Variants in ZFHX3 observed in about 807,000 individuals in gnomAD.
ZFHX3 encodes the protein zinc finger homeobox 3, also known as zinc finger homeobox protein 3.
In ZFHX3, 42 loss-of-function variants were observed where a neutral mutation model predicts 279.1. That is an observed-to-expected ratio of 0.15 (90% CI 0.12 to 0.19). ZFHX3 has a LOEUF of 0.19. Among genes scored for constraint, ZFHX3 ranks in the 10% least tolerant of loss-of-function variants. The probability of loss-of-function intolerance (pLI) is 1.00; values close to 1 mark genes in which losing one functional copy is unlikely to be tolerated. For missense variants in ZFHX3, 4,981 were observed against 4,754.0 expected, an observed-to-expected ratio of 1.05 and a Z score of -1.40; for synonymous variants, 2,293 against 1,957.8, an observed-to-expected ratio of 1.17 and a Z score of -4.52.
chr16:72,925,201 T>G (rs771792709), intron 3 of ZFHX3, among the ~76,000 whole-genome samples: 1 of 152,100 alleles, frequency 6.6e-6, no homozygotes, highest in South Asian at 2.1e-4. Context: ...GCTATCGAAA[T>G]CGGTCGTGAG....
chr16:72,846,269 A>G (rs2037477012), intron 4 of ZFHX3, among the ~76,000 whole-genome samples: 1 of 152,232 alleles, frequency 6.6e-6, no homozygotes. Context: ...GCATTTGCAC[A>G]CAGACCTGGA....
intron 1 of ZFHX3, among the ~76,000 whole-genome samples, chr16:72,994,661 G>A (rs1021454087): frequency 7.9e-5 from 12 of 152,244 alleles, no homozygotes; most frequent in African/African-American, 2.9e-4. Flanking sequence ...GCCAATGACA[G>A]CTTCTTGATG....
chr16:73,858,103 A>G (rs1431191763), intron 1 of ZFHX3, among the ~76,000 whole-genome samples: 12 of 152,008 alleles, frequency 7.9e-5, no homozygotes, highest in Admixed American at 2.6e-4. Flanking sequence ...CTCAAAAAAA[A>G]AAAAAGAAGA....
In ZFHX3 at chr16:73,580,508, C is replaced by CAAACA. The variant is rs1555525965; in HGVS notation, c.-1547+99671_-1547+99672insTGTTT. Reference sequence around the variant, plus strand: ...ACAAAAACAAAAACAAACAAACAAACAAAAAAAAAAAAACAGAGAAATTTC... The same window carrying CAAACA: ...ACAAAAACAAAAACAAACAAACAAACAAACAAAAAAAAAAAAAACAGAGAAATTTC... On this transcript the variant is annotated intron_variant, in intron 2 of 17. Transcript: ENST00000641206. 1.8e-3 allele frequency among the ~76,000 whole-genome samples: 257 copies of CAAACA among 140,096 alleles called. 2 individuals carry two copies. The highest frequency in any genetic ancestry group is 5.9e-3 in the East Asian group (28 of 4,724). 91.9% of individuals were successfully genotyped at this position (140,096 alleles called of 152,430 possible). A position where few individuals can be genotyped will look rare whatever the true frequency, so the allele number is the denominator to read the frequency against.
chr16:73,213,791 C>G (rs2012102755), intron 5 of ZFHX3, among the ~76,000 whole-genome samples: 1 of 152,106 alleles, frequency 6.6e-6, no homozygotes, highest in Admixed American at 6.6e-5. Context: ...GGGCCCGGGT[C>G]CCATTTTTGC....
chr16:73,546,201 C>T (rs2020105349), intron 2 of ZFHX3, among the ~76,000 whole-genome samples: 1 of 152,122 alleles, frequency 6.6e-6, no homozygotes, highest in Non-Finnish European at 1.5e-5. Flanking sequence ...ATTCCCCCTC[C>T]CTTTCCCCCA....
chr16:73,355,723 G>A (rs1293194023), intron 3 of ZFHX3, among the ~76,000 whole-genome samples: 3 of 152,178 alleles, frequency 2.0e-5, no homozygotes, highest in Admixed American at 6.5e-5. Context: ...TAATATCTGC[G>A]TGACCTTGGG....
chr16:73,412,326 CAAAAAA>C (rs60447973), intron 3 of ZFHX3, among the ~76,000 whole-genome samples: 7,106 of 117,404 alleles, frequency 0.061, 383 homozygotes, highest in East Asian at 0.34. Context: ...GAGACTGTTT[CAAAAAA>C]AAAAAAAAAA....
chr16:72,880,672 G>A (rs923958740), intron 4 of ZFHX3, among the ~76,000 whole-genome samples: 1 of 152,116 alleles, frequency 6.6e-6, no homozygotes, highest in Non-Finnish European at 1.5e-5. Context: ...ACAACAGATG[G>A]CCCTGTACCA....
intron 7 of ZFHX3, chr16:72,807,947 T>A (rs1388230959): frequency 1.3e-5 from 2 of 152,072 alleles, no homozygotes; most frequent in African/African-American, 4.8e-5. Flanking sequence ...ACCGTAGAAC[T>A]GGCCATTCCT....
At chr16:73,575,891 T>C (rs962408958) in intron 2 of ZFHX3, among the ~76,000 whole-genome samples, 3 of 152,168 alleles carry the variant, frequency 2.0e-5, no homozygotes, top group Non-Finnish European at 4.4e-5. Context: ...CCGCGATGAT[T>C]GTGTTTCTCT....
chr16:73,174,863 C>CA (rs34447211), intron 5 of ZFHX3, among the ~76,000 whole-genome samples: 2,100 of 86,800 alleles, frequency 0.024, 16 homozygotes, highest in South Asian at 0.033. Flanking sequence ...ACTAAAAATA[C>CA]AAAAAAAAAA....
At chr16:73,384,207 T>C (rs182873212) in intron 3 of ZFHX3, among the ~76,000 whole-genome samples, 66 of 152,340 alleles carry the variant, frequency 4.3e-4, no homozygotes, top group Non-Finnish European at 7.5e-4. Context: ...TAAAGATTTA[T>C]TGGAACACTG....
intron 1 of ZFHX3, among the ~76,000 whole-genome samples, chr16:73,773,587 C>T (rs1002956722): frequency 3.3e-5 from 5 of 152,160 alleles, no homozygotes; most frequent in South Asian, 4.2e-4. Flanking sequence ...GTGGAAAGCC[C>T]GAATGCAAGG....
chr16:72,975,216 C>T (rs1008643092), intron 1 of ZFHX3, among the ~76,000 whole-genome samples: 4 of 152,136 alleles, frequency 2.6e-5, no homozygotes, highest in African/African-American at 4.8e-5. Context: ...CCGAGGTGGG[C>T]GGATCACTGG....
At chr16:72,898,790 T>A (rs989827234) in intron 3 of ZFHX3, among the ~76,000 whole-genome samples, 29 of 148,730 alleles carry the variant, frequency 1.9e-4, no homozygotes, top group African/African-American at 7.2e-4. Flanking sequence ...TCGCCCATAG[T>A]AAATGCTATG....
intron 2 of ZFHX3, among the ~76,000 whole-genome samples, chr16:73,530,776 A>G (rs1048830332): frequency 6.6e-6 from 1 of 152,016 alleles, no homozygotes; most frequent in African/African-American, 2.4e-5. Context: ...GTGCTTATCT[A>G]TATTATCTTT....
intron 3 of ZFHX3, among the ~76,000 whole-genome samples, chr16:73,417,809 A>C (rs945804866): frequency 2.0e-5 from 3 of 151,076 alleles, no homozygotes; most frequent in African/African-American, 7.3e-5. Context: ...CGTCTCTATA[A>C]AAAATAAAAA....
At chr16:73,682,905 AGAGAAAGAAAGAGAGAAAG>A (rs2053031296) in intron 1 of ZFHX3, among the ~76,000 whole-genome samples, 19 of 16,700 alleles carry the variant, frequency 1.1e-3, no homozygotes, top group African/African-American at 2.3e-3. Context: ...AAAGAAAGAA[AGAGAAAGAAAGAGAGAAAG>A]AGAAAGAAAG....
Sources: allele counts gnomAD v4.1 joint callset (sites outside exome capture counted in the v4.1 genomes callset), GRCh38; gene constraint gnomAD v4.1.1; transcripts MANE v1.5; gene names NCBI Gene and HGNC (gene_info 2026-07-23, HGNC 2026-07-21).